THOC5: variants seen among roughly 807,000 people sequenced by gnomAD.
THOC5 encodes the protein THO complex subunit 5.
THOC5 carries 43 observed loss-of-function variants against 92.9 expected under a neutral mutation model. The ratio of observed to expected loss-of-function variants is 0.46; its 90% CI spans 0.36 to 0.60. The LOEUF (loss-of-function observed/expected upper bound fraction) is 0.60. THOC5 is among the 20% of genes least tolerant of loss of function. The pLI is 0.00. For missense variants in THOC5, 659 were observed against 849.4 expected (o/e 0.78, Z 2.79); for synonymous variants, 296 against 320.1 (o/e 0.92, Z 0.80).
intron 17 of THOC5, among the ~76,000 whole-genome samples, chr22:29,515,603 G>T (rs1001874117): frequency 3.4e-5 from 5 of 145,216 alleles, no homozygotes; most frequent in South Asian, 2.2e-4. Context: ...GAGTTGGGAG[G>T]ATCACTTAAA....
At chr22:29,530,987 A>ATTTTT (rs537358710) in intron 8 of THOC5, 2 of 967,540 alleles carry the variant, frequency 2.1e-6, no homozygotes, top group Non-Finnish European at 2.5e-6. Context: ...ACAACAGACT[A>ATTTTT]TTTTTTTCAG....
At position 29,529,153 on chromosome 22, in the gene THOC5, C is replaced by T. The variant is rs375891970; in HGVS notation, c.925+9G>A. 112 of 1,614,006 alleles carry T rather than the reference C, an allele frequency of 6.9e-5. No individual in the cohort carries two copies. In the African/African-American group the frequency reaches 1.3e-3, roughly 19 times the overall value. ...GTCCCTGGGGGACGAATCCCAACCA[C>T]CACATTACCTTGGGAGTCCTCTGGA... On this transcript the variant is annotated intron_variant, in intron 9 of 19. Transcript: ENST00000490103.
rs537042874 is a variant in THOC5, at chr22:29,550,231, G to A, written c.-11-1073C>T. The stretch of plus-strand genomic sequence containing the variant: ...GATGACAAAACTGAGGCTCGCAAGG[G>A]GAATTACTTGCAAGTAATTGCGAGT... On this transcript the variant is annotated intron_variant, in intron 1 of 19. Transcript: ENST00000490103. Among the ~76,000 whole-genome samples, 19 of 152,154 alleles carry A rather than the reference G, an allele frequency of 1.2e-4. No homozygotes were observed. The East Asian group carries it at 3.5e-3, about 28-fold the overall frequency.
chr22:29,551,976 G>A (rs563369112), intron 1 of THOC5, among the ~76,000 whole-genome samples: 5 of 152,110 alleles, frequency 3.3e-5, no homozygotes, highest in Non-Finnish European at 5.9e-5. Flanking sequence ...TGGTGGAGAC[G>A]GGGTTTCGCT....
chr22:29,541,645 A>ACG (rs1380470043), intron 5 of THOC5, among the ~76,000 whole-genome samples: 1 of 150,544 alleles, frequency 6.6e-6, no homozygotes. Flanking sequence ...GCGGATCATA[A>ACG]GATCAGGAGA....
At chr22:29,514,390 C>T (rs1423522017) in intron 17 of THOC5, among the ~76,000 whole-genome samples, 4 of 149,538 alleles carry the variant, frequency 2.7e-5, no homozygotes, top group Admixed American at 1.3e-4. Flanking sequence ...CATCTCAGCT[C>T]ACTGCAAGCT....
In THOC5 at chr22:29,508,376, G is replaced by T; in HGVS notation, c.*81C>A. The T allele has an allele frequency of 1.4e-6, 2 of 1,392,994 alleles. No homozygotes were observed. Among genetic ancestry groups the T allele is most frequent in the Non-Finnish European group, 2.0e-6 (2 of 986,856 alleles). The allele number at this position is 1,392,994 out of a possible 1,614,324, so 86.3% of individuals were successfully genotyped here. A position where few individuals can be genotyped will look rare whatever the true frequency, so the allele number is the denominator to read the frequency against. On this transcript the variant is annotated 3_prime_UTR_variant, in exon 20 of 20. Coordinates refer to ENST00000490103, the MANE Select transcript of THOC5 (RefSeq NM_003678.5). The stretch of plus-strand genomic sequence containing the variant: ...CTGGTGTCTTTGGAGAATATCAAGA[G>T]TCACATGTGGGCCAGAGCAGAAAGC...
intron 7 of THOC5, chr22:29,534,985 T>C (rs1390392182): frequency 6.8e-6 from 1 of 147,932 alleles, no homozygotes. Flanking sequence ...AAAAGCATTT[T>C]AGGCCGGGTG....
intron 15 of THOC5, among the ~76,000 whole-genome samples, chr22:29,517,628 C>A (rs1018635938): frequency 1.3e-5 from 2 of 152,206 alleles, no homozygotes; most frequent in Non-Finnish European, 2.9e-5. Context: ...TGATAGCCTG[C>A]CAAAGAAAAA....
chr22:29,513,402 A>T (rs963053798), intron 17 of THOC5, among the ~76,000 whole-genome samples: 1 of 150,998 alleles, frequency 6.6e-6, no homozygotes, highest in Non-Finnish European at 1.5e-5. Context: ...GTCCCCAAAA[A>T]AGAGTGTTCT....
chr22:29,509,404 A>C (rs1188213093), intron 19 of THOC5, among the ~76,000 whole-genome samples: 1 of 152,180 alleles, frequency 6.6e-6, no homozygotes, highest in Non-Finnish European at 1.5e-5. Flanking sequence ...TGGGCAGGTG[A>C]GAAGAGCAGA....
rs2063156122 is a variant in THOC5 at position 29,508,187 on chromosome 22, T to C, written c.*270A>G. 3.9e-6 allele frequency: 2 copies of C among 508,650 alleles called. No homozygotes were observed. Among genetic ancestry groups the C allele is most frequent in the Non-Finnish European group, 7.0e-6 (2 of 284,330 alleles). The allele number at this position is 508,650 out of a possible 1,614,324, so 31.5% of individuals were successfully genotyped here. A position where few individuals can be genotyped will look rare whatever the true frequency, so the allele number is the denominator to read the frequency against. Reference sequence around the variant, plus strand: ...AGAGGTGAGCATCTCTCTGCAGAATTGGAATCTTTTTCCACTCTGCTTTTA... The same window carrying C: ...AGAGGTGAGCATCTCTCTGCAGAATCGGAATCTTTTTCCACTCTGCTTTTA... On this transcript the variant is annotated 3_prime_UTR_variant, in exon 20 of 20. Coordinates refer to ENST00000490103, the MANE Select transcript of THOC5 (RefSeq NM_003678.5).
chr22:29,549,035 A>G lies in THOC5; in HGVS notation c.96+17T>C. 6.2e-7 allele frequency: 1 copy of G among 1,613,134 alleles called. No homozygotes were observed. The highest frequency in any genetic ancestry group is 8.5e-7 in the Non-Finnish European group (1 of 1,179,432). ...GATGTAATTTCTCAGCAGCATGGCA[A>G]CCCTGACTGATCTCACCTGCTCGGT... On this transcript the variant is annotated intron_variant, in intron 2 of 19. Coordinates refer to ENST00000490103, the MANE Select transcript of THOC5 (RefSeq NM_003678.5).
Position 29,525,213 on chromosome 22 carries a change from C to T in THOC5, c.1175+625G>A, listed in dbSNP as rs1023553989. On this transcript the variant is annotated intron_variant, in intron 12 of 19. Coordinates refer to ENST00000490103, the MANE Select transcript of THOC5 (RefSeq NM_003678.5). Reference sequence around the variant, plus strand: ...ATCACTACAGCCCAGAAGTTTGAGGCCACAGTGAGCTATGATTATGCCATG... The same window carrying T: ...ATCACTACAGCCCAGAAGTTTGAGGTCACAGTGAGCTATGATTATGCCATG... Among the ~76,000 whole-genome samples the T allele has an allele frequency of 2.0e-5, 3 of 152,184 alleles. No homozygotes were observed. In the South Asian group the frequency reaches 6.2e-4, roughly 32 times the overall value.
At chr22:29,527,710 A>T (rs1449146182) in intron 11 of THOC5, among the ~76,000 whole-genome samples, 3 of 152,150 alleles carry the variant, frequency 2.0e-5, no homozygotes. Context: ...TTTCATACAA[A>T]CCAACTTCAA....
In THOC5 at chr22:29,533,048, A is replaced by C. The variant is rs1352864177; in HGVS notation, c.715-1085T>G. ...CTACACAAAAACCTGAGAAATGAAA[A>C]GTCTAAAATAAGTGGATACATGTGA... On this transcript the variant is annotated intron_variant, in intron 7 of 19. Transcript: ENST00000490103. 2.0e-5 allele frequency among the ~76,000 whole-genome samples: 3 copies of C among 152,202 alleles called. No individual in the cohort carries two copies. In the East Asian group the frequency reaches 5.8e-4, roughly 29 times the overall value.
At chr22:29,547,361 T>C (rs1253596264) in intron 2 of THOC5, among the ~76,000 whole-genome samples, 1 of 151,910 alleles carries the variant, frequency 6.6e-6, no homozygotes, top group East Asian at 1.9e-4. Flanking sequence ...CATATCATTA[T>C]CAACTTTTTT....
intron 5 of THOC5, among the ~76,000 whole-genome samples, chr22:29,541,446 T>G (rs2881994): frequency 0.26 from 36,377 of 142,196 alleles, 4,572 homozygotes; most frequent in East Asian, 0.33. Flanking sequence ...AAGTCAAGGC[T>G]GCAGTGAGCC....
At chr22:29,537,231 C>T (rs2063776951) in intron 6 of THOC5, among the ~76,000 whole-genome samples, 1 of 152,252 alleles carries the variant, frequency 6.6e-6, no homozygotes, top group African/African-American at 2.4e-5. Context: ...AGATTCTGGA[C>T]CAGTGCCACA....
Sources: gnomAD v4.1 joint callset for allele counts (sites outside exome capture counted in the v4.1 genomes callset) on GRCh38, gnomAD v4.1.1 for gene constraint, MANE v1.5 for transcripts, NCBI Gene and HGNC (gene_info 2026-07-23, HGNC 2026-07-21) for gene names.